The following TFCP2L1 variants were observed in gnomAD, a reference collection of about 807,000 sequenced individuals.
The protein encoded by TFCP2L1 is transcription factor CP2 like 1.
Under a neutral mutation model 72.2 loss-of-function variants are expected in TFCP2L1, and 12 were observed. The ratio of observed to expected loss-of-function variants is 0.17; its 90% CI spans 0.11 to 0.27. The LOEUF is 0.27. TFCP2L1 is among the 10% of genes least tolerant of loss of function. TFCP2L1 has a pLI of 1.00. For missense variants in TFCP2L1, 488 were observed against 624.6 expected, an observed-to-expected ratio of 0.78 and a Z score of 2.33; for synonymous variants, 260 against 251.0, an observed-to-expected ratio of 1.04 and a Z score of -0.34.
chr2:121,276,820 G>A (rs2104763149), intron 2 of TFCP2L1, among the ~76,000 whole-genome samples: 1 of 151,624 alleles, frequency 6.6e-6, no homozygotes, highest in East Asian at 1.9e-4. Context: ...ATGAAATTCA[G>A]AAAACTACTC....
intron 7 of TFCP2L1, 24 bp downstream of exon 7, chr2:121,242,335 T>C: frequency 6.2e-7 from 1 of 1,604,038 alleles, no homozygotes; most frequent in Non-Finnish European, 8.5e-7. Flanking sequence ...TTGGAGGCTC[T>C]GTCCCCGCAC....
chr2:121,262,590 C>T (rs1361462300), intron 2 of TFCP2L1, among the ~76,000 whole-genome samples: 2 of 152,290 alleles, frequency 1.3e-5, no homozygotes, highest in East Asian at 3.9e-4. Context: ...TCCCCTGCAG[C>T]GTGGGATCCG....
At chr2:121,267,738 G>A (rs549611174) in intron 2 of TFCP2L1, among the ~76,000 whole-genome samples, 2 of 152,184 alleles carry the variant, frequency 1.3e-5, no homozygotes, top group South Asian at 2.1e-4. Flanking sequence ...CAAGTGATGC[G>A]CCTGCCTTGG....
chr2:121,277,657 T>C (rs1182642317), intron 2 of TFCP2L1, among the ~76,000 whole-genome samples: 2 of 152,100 alleles, frequency 1.3e-5, no homozygotes, highest in Non-Finnish European at 2.9e-5. Context: ...GGCCATAATA[T>C]GAAACAGTTA....
chr2:121,258,643 T>C (rs185873963), intron 2 of TFCP2L1, among the ~76,000 whole-genome samples: 2 of 152,168 alleles, frequency 1.3e-5, no homozygotes, highest in East Asian at 1.9e-4. Flanking sequence ...AGAGAGACCA[T>C]CTACAACCTC....
chr2:121,267,517 G>T (rs182272385), intron 2 of TFCP2L1, among the ~76,000 whole-genome samples: 159 of 148,648 alleles, frequency 1.1e-3, no homozygotes, highest in Middle Eastern at 3.5e-3. Flanking sequence ...TTTTTGGGAC[G>T]GAGTCTCGCT....
intron 10 of TFCP2L1, among the ~76,000 whole-genome samples, chr2:121,236,279 G>A (rs569466146): frequency 9.2e-5 from 14 of 152,260 alleles, no homozygotes; most frequent in African/African-American, 2.6e-4. Context: ...AGAGGGCTGC[G>A]GGATCACAGG....
At chr2:121,266,866 T>A (rs1686941504) in intron 2 of TFCP2L1, among the ~76,000 whole-genome samples, 2 of 124,224 alleles carry the variant, frequency 1.6e-5, no homozygotes, top group South Asian at 5.7e-4. Flanking sequence ...ATGATTTTAA[T>A]ATAATTATTT....
rs1685946684 is a variant in TFCP2L1 at position 121,222,606 on chromosome 2, A to T, written c.*1735T>A. On this transcript the variant is annotated 3_prime_UTR_variant, in exon 15 of 15. Transcript: ENST00000263707. ...CCAGAGTAGGTTAATCTTACATAGA[A>T]AGTAGATTCATGGCTGCCTTGGACT... The T allele has an allele frequency of 6.6e-6, 1 of 152,244 alleles. No individual in the cohort carries two copies. The highest frequency in any genetic ancestry group is 2.4e-5 in the African/African-American group (1 of 41,464). 9.4% of individuals were successfully genotyped at this position (152,244 alleles called of 1,614,324 possible).
At position 121,239,566 on chromosome 2, in the gene TFCP2L1, G is replaced by A. The variant is rs140322957; in HGVS notation, c.852C>T (p.Leu284=). Residue 284 remains leucine (L), a synonymous_variant, in exon 8 of 15, where the codon CTC becomes CTT. Transcript: ENST00000263707. The stretch of plus-strand genomic sequence containing the variant: ...AGAGAGGTGGGACGTACCCTTCGCC[G>A]AGGCCAAAGCTGTTTGGAGAACCAT... ...SYNGSPNSFG[L]GEGNASPTHP... is the part of the protein sequence containing the mutation. 38 of 1,614,168 alleles carry A rather than the reference G, an allele frequency of 2.4e-5. No homozygotes were observed. Among genetic ancestry groups the A allele is most frequent in the African/African-American group, 1.9e-4 (14 of 75,046 alleles).
At chr2:121,271,431 T>G (rs939542117) in intron 2 of TFCP2L1, among the ~76,000 whole-genome samples, 5 of 152,180 alleles carry the variant, frequency 3.3e-5, no homozygotes, top group African/African-American at 1.2e-4. Context: ...TATAAAAGAA[T>G]GTACTACTTT....
In TFCP2L1 at chr2:121,231,904, C is replaced by T. The variant is rs1453310684; in HGVS notation, c.1263G>A (p.Leu421=). 2.5e-6 allele frequency: 4 copies of T among 1,613,562 alleles called. No individual in the cohort carries two copies. The highest frequency in any genetic ancestry group is 2.2e-5 in the East Asian group (1 of 44,836). ...GGATGTGCTGGGGGGAGATGCTGTA[C>T]AGGTTGGCGATCTTCTCAATCAGCT... The part of the protein sequence containing the change: ...TLELIEKIAN[L]YSISPQHIHR... The change falls in exon 13 of 15, where the codon CTG becomes CTA. Residue 421 remains leucine (L), a synonymous_variant. Transcript: ENST00000263707.
At chr2:121,250,777 T>C (rs1686593827) in intron 2 of TFCP2L1, among the ~76,000 whole-genome samples, 1 of 151,574 alleles carries the variant, frequency 6.6e-6, no homozygotes, top group Admixed American at 6.6e-5. Flanking sequence ...CAGCTAATTT[T>C]TGTATTTTTA....
At chr2:121,238,136 C>T (rs911726195) in intron 8 of TFCP2L1, among the ~76,000 whole-genome samples, 3 of 152,178 alleles carry the variant, frequency 2.0e-5, no homozygotes, top group Non-Finnish European at 4.4e-5. Context: ...ACATCCCAGG[C>T]CCCTGCTGGC....
intron 14 of TFCP2L1, 22 bp downstream of exon 14, chr2:121,225,540 T>TAGGGGG: frequency 1.2e-6 from 2 of 1,612,776 alleles, no homozygotes; most frequent in South Asian, 1.1e-5. Context: ...ACAACTACCC[T>TAGGGGG]AGGGGGAGGG....
intron 2 of TFCP2L1, among the ~76,000 whole-genome samples, chr2:121,279,061 T>C (rs1687204633): frequency 1.3e-5 from 2 of 151,854 alleles, no homozygotes; most frequent in South Asian, 2.1e-4. Flanking sequence ...CTAATGGCCT[T>C]ACCAACAGGA....
At chr2:121,243,650 T>A (rs146559831) in intron 6 of TFCP2L1, among the ~76,000 whole-genome samples, 1 of 152,152 alleles carries the variant, frequency 6.6e-6, no homozygotes, top group Non-Finnish European at 1.5e-5. Context: ...AAACCTTTTG[T>A]GAATTGCACA....
intron 6 of TFCP2L1, among the ~76,000 whole-genome samples, chr2:121,245,154 G>C (rs986032356): frequency 3.3e-5 from 5 of 152,202 alleles, no homozygotes; most frequent in African/African-American, 1.2e-4. Flanking sequence ...CTTACAAAAG[G>C]AAGAGGGAGG....
chr2:121,250,015 A>G (rs1240574133), intron 2 of TFCP2L1, among the ~76,000 whole-genome samples: 1 of 152,244 alleles, frequency 6.6e-6, no homozygotes, highest in Admixed American at 6.5e-5. Context: ...CAGCTACTTA[A>G]GTTCACATTA....
Sources: gnomAD v4.1 joint callset for allele counts (sites outside exome capture counted in the v4.1 genomes callset) on GRCh38, gnomAD v4.1.1 for gene constraint, MANE v1.5 for transcripts, NCBI Gene and HGNC (gene_info 2026-07-23, HGNC 2026-07-21) for gene names.